Variants in DMBX1 observed in about 807,000 individuals in gnomAD.
DMBX1 encodes diencephalon/mesencephalon homeobox protein 1.
A neutral mutation model predicts 30.4 loss-of-function variants in DMBX1; 7 were observed. The observed-to-expected ratio is 0.23, with a 90% CI of 0.13 to 0.43. DMBX1 has a LOEUF of 0.43. Among genes scored for constraint, DMBX1 ranks in the 20% least tolerant of loss-of-function variants. DMBX1 has a pLI of 1.00. For missense variants in DMBX1, 460 were observed against 508.5 expected (o/e 0.90, Z 0.92); for synonymous variants, 222 against 214.2 (o/e 1.04, Z -0.32).
At chr1:46,504,169 G>T (rs1166900125) in intron 2 of DMBX1, among the ~76,000 whole-genome samples, 4 of 151,546 alleles carry the variant, frequency 2.6e-5, no homozygotes, top group African/African-American at 9.7e-5. Context: ...TAGGTTGCCT[G>T]TTCACTCTGA....
chr1:46,507,058 A>C lies in DMBX1; in HGVS notation c.48A>C (p.Ser16=). The part of the protein sequence containing the change: ...VNGYSLHAMN[S]LSAMYNLHQQ... The stretch of plus-strand genomic sequence containing the variant: ...GCTACTCACTGCACGCCATGAACTC[A>C]CTCAGCGCCATGTACAACCTGCACC... The change falls in exon 3 of 6, where the codon TCA becomes TCC. Residue 16 remains serine (S), a synonymous_variant. Transcript: ENST00000360032. 6.2e-7 allele frequency: 1 copy of C among 1,614,192 alleles called. No homozygotes were observed. The highest frequency in any genetic ancestry group is 8.5e-7 in the Non-Finnish European group (1 of 1,180,010).
In DMBX1 at chr1:46,512,615, G is replaced by C. The variant is rs982581303; in HGVS notation, c.*121G>C. On this transcript the variant is annotated 3_prime_UTR_variant, in exon 6 of 6. Transcript: ENST00000360032. The surrounding 1 kb of genome is among the most constrained non-coding windows in gnomAD (Gnocchi z 4.8). ...CAGGGATCCTAGGGCCTGGGGTCCT[G>C]TTCCCTGCTCCGCTTCCCCATACCC... The C allele has an allele frequency of 1.8e-6, 2 of 1,133,084 alleles. No individual in the cohort carries two copies. Among genetic ancestry groups the C allele is most frequent in the Non-Finnish European group, 2.5e-6 (2 of 815,842 alleles). 70.2% of individuals were successfully genotyped at this position (1,133,084 alleles called of 1,614,324 possible). A position where few individuals can be genotyped will look rare whatever the true frequency, so the allele number is the denominator to read the frequency against.
chr1:46,497,132 A>G (rs1666039352), intron 2 of DMBX1, among the ~76,000 whole-genome samples: 1 of 152,178 alleles, frequency 6.6e-6, no homozygotes, highest in Admixed American at 6.5e-5. Context: ...AGCTCTTCAG[A>G]GACTCAGAGA....
rs754466081 is a variant in DMBX1 at position 46,511,091 on chromosome 1, C to G, written c.490C>G (p.Arg164Gly). 3 of 1,614,100 alleles carry G rather than the reference C, an allele frequency of 1.9e-6. No individual in the cohort carries two copies. Among genetic ancestry groups the G allele is most frequent in the Non-Finnish European group, 2.5e-6 (3 of 1,180,004 alleles). The part of the protein sequence containing the change: ...DTQLDTEQPP[R>G]LPGSDPPAEL... The stretch of plus-strand genomic sequence containing the variant: ...CCAGCTGGACACTGAGCAGCCCCCA[C>G]GTCTGCCTGGCAGCGACCCCCCTGC... The change falls in exon 5 of 6, where the codon CGT (arginine) becomes GGT (glycine). Residue 164 changes from arginine (R) to glycine (G), a missense_variant. This residue lies in a region of DMBX1 where 334 missense variants were observed against 345.1 expected (regional missense o/e 0.97). Coordinates refer to ENST00000360032, the MANE Select transcript of DMBX1 (RefSeq NM_172225.2).
intron 2 of DMBX1, among the ~76,000 whole-genome samples, chr1:46,497,747 A>G (rs766816208): frequency 3.3e-5 from 5 of 152,388 alleles, no homozygotes; most frequent in Non-Finnish European, 5.9e-5. Flanking sequence ...ATGCGGGGAC[A>G]TAACGGATGC....
At chr1:46,496,821 C>A (rs1311615465) in intron 2 of DMBX1, among the ~76,000 whole-genome samples, 6 of 152,198 alleles carry the variant, frequency 3.9e-5, no homozygotes, top group Non-Finnish European at 1.5e-5. Flanking sequence ...CACAAAGCAG[C>A]CTGGAGTTGG....
intron 2 of DMBX1, among the ~76,000 whole-genome samples, chr1:46,500,140 GAGTGGTAGGT>G (rs1027560849): frequency 6.6e-6 from 1 of 152,072 alleles, no homozygotes; most frequent in African/African-American, 2.4e-5. Context: ...AGATGAGAAG[GAGTGGTAGGT>G]AGTCTGGTAG....
At position 46,512,764 on chromosome 1, in the gene DMBX1, C is replaced by A. The variant is rs1159527173; in HGVS notation, c.*270C>A. ...AAGCTTCCCTCGGAGAAGTGAGAGG[C>A]TCTCCCTGGCTAGATCCTCATCTCA... On this transcript the variant is annotated 3_prime_UTR_variant, in exon 6 of 6. Coordinates refer to ENST00000360032, the MANE Select transcript of DMBX1 (RefSeq NM_172225.2). The surrounding 1 kb of genome is among the most constrained non-coding windows in gnomAD (Gnocchi z 4.8). 31 of 488,340 alleles carry A rather than the reference C, an allele frequency of 6.3e-5. No individual in the cohort carries two copies. Among genetic ancestry groups the A allele is most frequent in the Non-Finnish European group, 3.3e-5 (9 of 275,976 alleles). The allele number at this position is 488,340 out of a possible 1,614,324, so 30.3% of individuals were successfully genotyped here.
chr1:46,501,880 A>G (rs1016329525), intron 2 of DMBX1, among the ~76,000 whole-genome samples: 12 of 151,836 alleles, frequency 7.9e-5, no homozygotes, highest in Admixed American at 3.3e-4. Flanking sequence ...CTTTTATTTG[A>G]TTTGTGCTAT....
At position 46,511,296 on chromosome 1, in the gene DMBX1, G is replaced by C; in HGVS notation, c.682+13G>C. The C allele has an allele frequency of 6.5e-7, 1 of 1,535,616 alleles. No homozygotes were observed. The highest frequency in any genetic ancestry group is 2.4e-5 in the East Asian group (1 of 41,608). Reference sequence around the variant, plus strand: ...AGCCCCAAGGCAGGTGAGGTCTGAGGGGTACCATGGGAGGGCTGGGGTCTG... The same window carrying C: ...AGCCCCAAGGCAGGTGAGGTCTGAGCGGTACCATGGGAGGGCTGGGGTCTG... On this transcript the variant is annotated intron_variant, in intron 5 of 5. Transcript: ENST00000360032.
Position 46,507,116 on chromosome 1 carries a change from G to C in DMBX1, c.106G>C (p.Asp36His). 3 of 1,614,194 alleles carry C rather than the reference G, an allele frequency of 1.9e-6. No individual in the cohort carries two copies. The highest frequency in any genetic ancestry group is 2.5e-6 in the Non-Finnish European group (3 of 1,180,034). Residue 36 changes from aspartate to histidine, a missense_variant, in exon 3 of 6, where the codon GAC (aspartate) becomes CAC (histidine). Asp to His is a moderately conservative substitution (Grantham distance 81, BLOSUM62 -1). Coordinates refer to ENST00000360032, the MANE Select transcript of DMBX1 (RefSeq NM_172225.2). Reference protein sequence around the residue: ...QAAQQAQHAPDYRPSVHALTL... With the variant: ...QAAQQAQHAPHYRPSVHALTL... ...AGCCCAGCAGGCCCAGCATGCCCCC[G>C]ACTACCGGCCTTCAGTGCATGCGCT... is the stretch of plus-strand genomic sequence containing the variant.
chr1:46,505,722 C>T (rs1666220748), intron 2 of DMBX1, among the ~76,000 whole-genome samples: 2 of 150,112 alleles, frequency 1.3e-5, no homozygotes, highest in South Asian at 2.1e-4. Context: ...GCACAATGTG[C>T]ACATGTACCC....
chr1:46,513,724 A>C lies in DMBX1; in HGVS notation c.*1230A>C, dbSNP rs1013161623. On this transcript the variant is annotated 3_prime_UTR_variant, in exon 6 of 6. Coordinates refer to ENST00000360032, the MANE Select transcript of DMBX1 (RefSeq NM_172225.2). The stretch of plus-strand genomic sequence containing the variant: ...AGCAGATACTGTCCAAGGCAGGGGT[A>C]CGGCTGACCAGGAATGAAGGTTGAA... 10 of 152,300 alleles carry C rather than the reference A, an allele frequency of 6.6e-5. No individual in the cohort carries two copies. Among genetic ancestry groups the C allele is most frequent in the African/African-American group, 2.4e-4 (10 of 41,466 alleles). 9.4% of individuals were successfully genotyped at this position (152,300 alleles called of 1,614,324 possible). A position where few individuals can be genotyped will look rare whatever the true frequency, so the allele number is the denominator to read the frequency against.
intron 2 of DMBX1, among the ~76,000 whole-genome samples, chr1:46,503,048 G>A (rs895562616): frequency 6.6e-6 from 1 of 152,158 alleles, no homozygotes; most frequent in African/African-American, 2.4e-5. Flanking sequence ...TCTGGCTAGC[G>A]GCCCCTCTCC....
intron 2 of DMBX1, among the ~76,000 whole-genome samples, chr1:46,495,644 G>A (rs1314310575): frequency 6.6e-6 from 1 of 152,196 alleles, no homozygotes; most frequent in Non-Finnish European, 1.5e-5. Flanking sequence ...GAAGTCACCG[G>A]ACCCAACTGG....
chr1:46,489,838 A>G lies in DMBX1; in HGVS notation c.-192A>G, dbSNP rs1012911327. ...CTCCAGCCCAGGCCCCGTCGCGCGT[A>G]GATGGCAGCGGAGGCGGCGGCGCGG... On this transcript the variant is annotated 5_prime_UTR_variant, in exon 1 of 6. Transcript: ENST00000360032. Among the ~76,000 whole-genome samples, 2 of 151,756 alleles carry G rather than the reference A, an allele frequency of 1.3e-5. No individual in the cohort carries two copies. Among genetic ancestry groups the G allele is most frequent in the African/African-American group, 4.8e-5 (2 of 41,316 alleles).
chr1:46,501,215 T>TTCCTTCCTTCCTTCCTTCC (rs1184572464), intron 2 of DMBX1, among the ~76,000 whole-genome samples: 1 of 50,316 alleles, frequency 2.0e-5, no homozygotes, highest in African/African-American at 6.4e-5. Flanking sequence ...CCTTCCTTCC[T>TTCCTTCCTTCCTTCCTTCC]TTCTTTCTTT....
chr1:46,491,979 C>T lies in DMBX1; in HGVS notation c.-13+1196C>T, dbSNP rs1665937667. Among the ~76,000 whole-genome samples the T allele has an allele frequency of 6.6e-6, 1 of 152,222 alleles. No individual in the cohort carries two copies. The highest frequency in any genetic ancestry group is 2.4e-5 in the African/African-American group (1 of 41,454). ...CTCCTGTATGGCTGGGGTAGACACACTTTTGGGAAAAGAAGCAGGGCATTG... is the reference window on the plus strand; with the variant it reads ...CTCCTGTATGGCTGGGGTAGACACATTTTTGGGAAAAGAAGCAGGGCATTG... On this transcript the variant is annotated intron_variant, in intron 2 of 5. Coordinates refer to ENST00000360032, the MANE Select transcript of DMBX1 (RefSeq NM_172225.2). The surrounding 1 kb of genome is among the most constrained non-coding windows in gnomAD (Gnocchi z 5.5).
rs1666351417 is a variant in DMBX1, at chr1:46,510,836, G to T, written c.334-99G>T. On this transcript the variant is annotated intron_variant, in intron 4 of 5. Coordinates refer to ENST00000360032, the MANE Select transcript of DMBX1 (RefSeq NM_172225.2). The surrounding 1 kb of genome is among the most constrained non-coding windows in gnomAD (Gnocchi z 4.1). ...AGGGTGTGCATTCCCTAGAGGGGTG[G>T]GGGGATGTTATCACGTACATCCTCT... 2.2e-6 allele frequency: 3 copies of T among 1,357,032 alleles called. No individual in the cohort carries two copies. The highest frequency in any genetic ancestry group is 2.5e-5 in the Admixed American group (1 of 40,076). 84.1% of individuals were successfully genotyped at this position (1,357,032 alleles called of 1,614,324 possible).
Sources: allele counts gnomAD v4.1 joint callset (sites outside exome capture counted in the v4.1 genomes callset), GRCh38; gene constraint gnomAD v4.1.1; regional missense constraint gnomAD v4.1.1; non-coding constraint Gnocchi (gnomAD v3.1); transcripts MANE v1.5; gene names NCBI Gene and HGNC (gene_info 2026-07-23, HGNC 2026-07-21).